The following SCEL variants were observed in gnomAD, a reference collection of about 807,000 sequenced individuals.
SCEL encodes sciellin.
In SCEL, 113 loss-of-function variants were observed where a neutral mutation model predicts 117.6. The observed-to-expected ratio is 0.96, with a 90% CI of 0.83 to 1.12. SCEL has a LOEUF of 1.12. Among genes scored for constraint, SCEL ranks in the 50% most tolerant of loss-of-function variants. The pLI, the probability that SCEL is intolerant of heterozygous loss-of-function variation, is 0.00. For missense variants in SCEL, 785 were observed against 810.8 expected, an observed-to-expected ratio of 0.97 and a Z score of 0.39; for synonymous variants, 270 against 256.2, an observed-to-expected ratio of 1.05 and a Z score of -0.51.
chr13:77,566,676 C>A (rs2085308617), intron 5 of SCEL, among the ~76,000 whole-genome samples: 1 of 152,210 alleles, frequency 6.6e-6, no homozygotes, highest in Admixed American at 6.5e-5. Context: ...TAAGGTACTA[C>A]TTGACACATC....
In SCEL at chr13:77,619,751, T is replaced by C. The variant is rs144884271; in HGVS notation, c.1628+1691T>C. 5.7e-3 allele frequency among the ~76,000 whole-genome samples: 864 copies of C among 152,270 alleles called. 8 individuals carry two copies. The highest frequency in any genetic ancestry group is 0.019 in the African/African-American group (809 of 41,572). On this transcript the variant is annotated intron_variant, in intron 27 of 32. Transcript: ENST00000349847. ...TTTGTTGGGTGGATTTTTCTTTTTA[T>C]CAGTAACAGTTTTAGGAAGTTTCCA...
chr13:77,643,460 C>T (rs1251941983), intron 32 of SCEL, among the ~76,000 whole-genome samples: 1 of 152,074 alleles, frequency 6.6e-6, no homozygotes. Context: ...TCCTGTGAAA[C>T]TTGACTGGTT....
At chr13:77,538,614 A>T (rs1042046522) in intron 1 of SCEL, among the ~76,000 whole-genome samples, 1 of 152,202 alleles carries the variant, frequency 6.6e-6, no homozygotes, top group Non-Finnish European at 1.5e-5. Flanking sequence ...TTTTAAGGAC[A>T]TGAGTCATCC....
chr13:77,543,334 C>T (rs1237961198), intron 1 of SCEL, among the ~76,000 whole-genome samples: 2 of 152,048 alleles, frequency 1.3e-5, no homozygotes, highest in South Asian at 2.1e-4. Context: ...CCGCCCGCCT[C>T]GGCCTCCCAA....
At position 77,567,634 on chromosome 13, in the gene SCEL, A is replaced by G. The variant is rs373033902; in HGVS notation, c.291-46A>G. ...ATGAAAATGGTCTGAAAGGAGTTTG[A>G]TAATTTAAATATTTATCCAGACTTT... On this transcript the variant is annotated intron_variant, in intron 5 of 32. Transcript: ENST00000349847. The G allele has an allele frequency of 1.8e-4, 252 of 1,366,632 alleles. No individual in the cohort carries two copies. The African/African-American group carries it at 3.4e-3, about 18-fold the overall frequency. The allele number at this position is 1,366,632 out of a possible 1,614,324, so 84.7% of individuals were successfully genotyped here. A position where few individuals can be genotyped will look rare whatever the true frequency, so the allele number is the denominator to read the frequency against.
Position 77,589,143 on chromosome 13 carries a change from G to A in SCEL, c.546-1G>A. On this transcript the variant is annotated splice_acceptor_variant, in intron 9 of 32. Coordinates refer to ENST00000349847, the MANE Select transcript of SCEL (RefSeq NM_144777.3). LOFTEE classifies it high-confidence loss of function. ...ATGAACTGCTGTTTTCTGTTTTAAA[G>A]GGAACCAGGTGTTCACCCTCCAATA... 6.2e-7 allele frequency: 1 copy of A among 1,610,260 alleles called. No homozygotes were observed. Among genetic ancestry groups the A allele is most frequent in the South Asian group, 1.1e-5 (1 of 90,756 alleles).
intron 30 of SCEL, 147 bp downstream of exon 30, chr13:77,637,341 T>TATATACATATATAAAC (rs753119379): frequency 0.47 from 72,537 of 153,214 alleles, 19,813 homozygotes; most frequent in Non-Finnish European, 0.57. Flanking sequence ...TATATAAACA[T>TATATACATATATAAAC]ATATACATAT....
intron 5 of SCEL, 60 bp from the exon 6 acceptor site, chr13:77,567,620 C>A: frequency 8.5e-7 from 1 of 1,180,054 alleles, no homozygotes; most frequent in South Asian, 1.3e-5. Context: ...TGAAAATGGT[C>A]TGAAAGGAGT....
chr13:77,596,020 A>G (rs931192628), intron 12 of SCEL, among the ~76,000 whole-genome samples: 4 of 152,200 alleles, frequency 2.6e-5, no homozygotes, highest in African/African-American at 9.6e-5. Context: ...TCTAAGTGCA[A>G]TTAAAAAATA....
chr13:77,583,114 C>T (rs1206519255), intron 9 of SCEL, among the ~76,000 whole-genome samples: 1 of 152,144 alleles, frequency 6.6e-6, no homozygotes, highest in African/African-American at 2.4e-5. Context: ...TTAAAAAGCA[C>T]AGTACATGAA....
At chr13:77,554,154 G>GTGC (rs1371282590) in intron 1 of SCEL, among the ~76,000 whole-genome samples, 7 of 152,164 alleles carry the variant, frequency 4.6e-5, no homozygotes, top group African/African-American at 1.4e-4. Context: ...GAGCAAGGAT[G>GTGC]TGCTCTCTGC....
chr13:77,538,288 T>C (rs1450822072), intron 1 of SCEL, among the ~76,000 whole-genome samples: 1 of 152,064 alleles, frequency 6.6e-6, no homozygotes, highest in Non-Finnish European at 1.5e-5. Context: ...GACTAATTTT[T>C]CTATTTTTAG....
intron 9 of SCEL, among the ~76,000 whole-genome samples, chr13:77,580,895 A>T (rs2086227929): frequency 6.6e-6 from 1 of 152,024 alleles, no homozygotes; most frequent in African/African-American, 2.4e-5. Flanking sequence ...TGGTTATTTC[A>T]CTTCCTGTTA....
intron 1 of SCEL, among the ~76,000 whole-genome samples, chr13:77,549,647 G>A (rs568921092): frequency 3.9e-5 from 6 of 152,304 alleles, no homozygotes; most frequent in Admixed American, 3.3e-4. Flanking sequence ...CTGAGTATGT[G>A]TGTTTATATT....
At chr13:77,636,632 CT>C (rs1194589378) in intron 29 of SCEL, among the ~76,000 whole-genome samples, 1 of 152,156 alleles carries the variant, frequency 6.6e-6, no homozygotes, top group East Asian at 1.9e-4. Context: ...AAAAATCATA[CT>C]TCTTTGCTTT....
At chr13:77,633,600 C>T (rs900095020) in intron 28 of SCEL, among the ~76,000 whole-genome samples, 14 of 151,928 alleles carry the variant, frequency 9.2e-5, no homozygotes, top group Admixed American at 7.9e-4. Flanking sequence ...AGGCTAGATG[C>T]CCAAGTCAAT....
chr13:77,542,954 C>T (rs993077009), intron 1 of SCEL, among the ~76,000 whole-genome samples: 1 of 152,148 alleles, frequency 6.6e-6, no homozygotes, highest in African/African-American at 2.4e-5. Context: ...GTGGGGTTGG[C>T]ACTGTTACCG....
chr13:77,635,596 AT>A (rs1362201510), intron 29 of SCEL, among the ~76,000 whole-genome samples: 1 of 152,206 alleles, frequency 6.6e-6, no homozygotes, highest in Non-Finnish European at 1.5e-5. Flanking sequence ...ATAATGAATG[AT>A]TTATTTAAGA....
Position 77,563,874 on chromosome 13 carries a change from T to C in SCEL, c.265T>C (p.Tyr89His), listed in dbSNP as rs775366289. ...RDVPKATISRYSSDDTLDRIS... is the reference protein window; with the variant it reads ...RDVPKATISRHSSDDTLDRIS... The stretch of plus-strand genomic sequence containing the variant: ...TGTGCCAAAAGCTACAATTAGTCGG[T>C]ACAGTTCTGATGACACTTTGGACAG... The change falls in exon 5 of 33, where the codon TAC becomes CAC. Residue 89 changes from tyrosine to histidine, a missense_variant. Physicochemically the swap from Tyr to His is moderately conservative, Grantham distance 83. Transcript: ENST00000349847. The C allele has an allele frequency of 1.9e-6, 3 of 1,602,300 alleles. No individual in the cohort carries two copies. The highest frequency in any genetic ancestry group is 2.6e-6 in the Non-Finnish European group (3 of 1,176,098).
Sources: gnomAD v4.1 joint callset for allele counts (sites outside exome capture counted in the v4.1 genomes callset) on GRCh38, gnomAD v4.1.1 for gene constraint, MANE v1.5 for transcripts, NCBI Gene and HGNC (gene_info 2026-07-23, HGNC 2026-07-21) for gene names.